PATL1: variants seen among roughly 807,000 people sequenced by gnomAD.
PATL1 encodes PAT1 homolog 1, processing body mRNA decay factor.
PATL1 carries 32 observed loss-of-function variants against 100.6 expected under a neutral mutation model. The ratio of observed to expected loss-of-function variants is 0.32; its 90% CI spans 0.24 to 0.43. PATL1 has a LOEUF of 0.43. PATL1 is among the 20% of genes least tolerant of loss of function. The pLI is 1.00. For missense variants in PATL1, 747 were observed against 949.9 expected, an observed-to-expected ratio of 0.79 and a Z score of 2.81; for synonymous variants, 332 against 330.0, an observed-to-expected ratio of 1.01 and a Z score of -0.07.
chr11:59,640,207 G>A (rs1590692743), intron 16 of PATL1, among the ~76,000 whole-genome samples: 1 of 152,210 alleles, frequency 6.6e-6, no homozygotes, highest in Non-Finnish European at 1.5e-5. Flanking sequence ...CAGGCACGGT[G>A]GCACATGCCT....
intron 2 of PATL1, among the ~76,000 whole-genome samples, chr11:59,660,995 T>C (rs1861617594): frequency 1.3e-5 from 2 of 152,330 alleles, no homozygotes; most frequent in African/African-American, 4.8e-5. Flanking sequence ...AGCTAGACCT[T>C]ACTTCCAACG....
Position 59,655,966 on chromosome 11 carries a change from C to T in PATL1, c.803G>A (p.Gly268Glu). The part of the protein sequence containing the change: ...LSPLQRAQLL[G>E]GAQLQPGRMS... ...TAATCACAGGCTTACCTGTGCTCCT[C>T]CAAGAAGCTGTGCTCTCTGGAGGGG... The change falls in exon 7 of 19, where the codon GGA (glycine) becomes GAA (glutamate). Residue 268 changes from glycine to glutamate, a missense_variant. Coordinates refer to ENST00000300146, the MANE Select transcript of PATL1 (RefSeq NM_152716.3). 1 of 1,593,768 alleles carries T rather than the reference C, an allele frequency of 6.3e-7. No individual in the cohort carries two copies. The highest frequency in any genetic ancestry group is 8.6e-7 in the Non-Finnish European group (1 of 1,169,546).
chr11:59,639,444 T>C, intron 16 of PATL1, 61 bp from the exon 17 acceptor site: 5 of 1,277,876 alleles, frequency 3.9e-6, no homozygotes, highest in Non-Finnish European at 4.4e-6. Flanking sequence ...TCCACCACTG[T>C]TGAAGGGATC....
At chr11:59,668,751 C>A in intron 1 of PATL1, 130 bp downstream of exon 1, 1 of 503,216 alleles carries the variant, frequency 2.0e-6, no homozygotes. Context: ...CCAGTCGCGT[C>A]CAGCTAAGTC....
At chr11:59,667,238 G>T in intron 1 of PATL1, 1 of 332,342 alleles carries the variant, frequency 3.0e-6, no homozygotes, top group Non-Finnish European at 4.3e-6. Flanking sequence ...TCCACGAACA[G>T]CAGTTCCTCA....
chr11:59,649,735 T>G lies in PATL1; in HGVS notation c.1585-125A>C, dbSNP rs1861414974. On this transcript the variant is annotated intron_variant, in intron 13 of 18. Coordinates refer to ENST00000300146, the MANE Select transcript of PATL1 (RefSeq NM_152716.3). ...CATTATAGAAAGACTGAGATTTTTT[T>G]TTTTTTAATGTAGAAAACCATATGA... The G allele has an allele frequency of 2.8e-6, 3 of 1,070,198 alleles. No homozygotes were observed. The South Asian group carries it at 5.7e-5, about 20-fold the overall frequency. 66.3% of individuals were successfully genotyped at this position (1,070,198 alleles called of 1,614,324 possible).
At position 59,652,381 on chromosome 11, in the gene PATL1, C is replaced by T. The variant is rs1861459923; in HGVS notation, c.1426+83G>A. On this transcript the variant is annotated intron_variant, in intron 11 of 18. Coordinates refer to ENST00000300146, the MANE Select transcript of PATL1 (RefSeq NM_152716.3). ...TGAAACATCTTTGCATATCCTTCCA[C>T]ATATACACTTGTCTATATTTAATCA... 12 of 1,488,256 alleles carry T rather than the reference C, an allele frequency of 8.1e-6. 1 individual carries two copies. The South Asian group carries it at 1.5e-4, about 18-fold the overall frequency. The allele number at this position is 1,488,256 out of a possible 1,614,324, so 92.2% of individuals were successfully genotyped here.
At position 59,651,652 on chromosome 11, in the gene PATL1, A is replaced by C. The variant is rs777627583; in HGVS notation, c.1427-11T>G. On this transcript the variant is annotated splice_polypyrimidine_tract_variant and intron_variant, in intron 11 of 18. Coordinates refer to ENST00000300146, the MANE Select transcript of PATL1 (RefSeq NM_152716.3). Reference sequence around the variant, plus strand: ...AGCCCTCAAATTGCACTGCAAAGACAAAAAAAAAAAAAATTCCAACAAAAT... The same window carrying C: ...AGCCCTCAAATTGCACTGCAAAGACCAAAAAAAAAAAAATTCCAACAAAAT... 18 of 387,828 alleles carry C rather than the reference A, an allele frequency of 4.6e-5. No individual in the cohort carries two copies. Among genetic ancestry groups the C allele is most frequent in the African/African-American group, 2.1e-4 (7 of 32,986 alleles). The allele number at this position is 387,828 out of a possible 1,614,324, so 24.0% of individuals were successfully genotyped here.
At chr11:59,660,803 G>C (rs2134758760) in intron 2 of PATL1, among the ~76,000 whole-genome samples, 1 of 152,304 alleles carries the variant, frequency 6.6e-6, no homozygotes, top group Admixed American at 6.5e-5. Context: ...GGCTAGGGAA[G>C]AGGAAGGGGC....
intron 1 of PATL1, among the ~76,000 whole-genome samples, chr11:59,667,539 G>C (rs1448242980): frequency 6.6e-6 from 1 of 152,196 alleles, no homozygotes; most frequent in African/African-American, 2.4e-5. Flanking sequence ...GGTATGACAA[G>C]TTCAAGTTCT....
intron 14 of PATL1, 44 bp downstream of exon 14, chr11:59,649,418 G>A (rs1166479185): frequency 1.9e-6 from 3 of 1,599,920 alleles, no homozygotes; most frequent in African/African-American, 1.3e-5. Flanking sequence ...TATGACAGAG[G>A]AAGGAGTCCA....
chr11:59,667,215 A>G (rs1362159787), intron 1 of PATL1: 5 of 493,888 alleles, frequency 1.0e-5, no homozygotes, highest in Admixed American at 6.4e-5. Flanking sequence ...CCATTTCTCT[A>G]TTTTATCAAG....
intron 15 of PATL1, among the ~76,000 whole-genome samples, chr11:59,643,578 G>T (rs181721279): frequency 3.7e-4 from 57 of 152,104 alleles, no homozygotes; most frequent in Non-Finnish European, 5.9e-4. Context: ...GTAGTCCCCA[G>T]CTACTCAATA....
intron 3 of PATL1, 23 bp from the exon 4 acceptor site, chr11:59,658,969 A>G (rs1232526738): frequency 2.0e-6 from 3 of 1,533,762 alleles, no homozygotes; most frequent in East Asian, 2.5e-5. Flanking sequence ...GAAAACATAC[A>G]GAGTCTGAAA....
At chr11:59,666,797 G>C in intron 2 of PATL1, 56 bp downstream of exon 2, 1 of 1,506,548 alleles carries the variant, frequency 6.6e-7, no homozygotes, top group Non-Finnish European at 8.9e-7. Flanking sequence ...CTAAAAGACA[G>C]CACTTGAAAA....
chr11:59,638,297 C>G lies in PATL1; in HGVS notation c.*93G>C. ...ACAAGACTTTGCTTTGGGGAAAAAG[C>G]TACCTTCCTTCCCTCATTAAAAACA... On this transcript the variant is annotated 3_prime_UTR_variant, in exon 19 of 19. Transcript: ENST00000300146. 7.5e-7 allele frequency: 1 copy of G among 1,333,842 alleles called. No homozygotes were observed. Among genetic ancestry groups the G allele is most frequent in the East Asian group, 2.4e-5 (1 of 42,140 alleles). 82.6% of individuals were successfully genotyped at this position (1,333,842 alleles called of 1,614,324 possible). A position where few individuals can be genotyped will look rare whatever the true frequency, so the allele number is the denominator to read the frequency against.
chr11:59,649,318 G>C, intron 14 of PATL1, 144 bp downstream of exon 14: 1 of 758,760 alleles, frequency 1.3e-6, no homozygotes, highest in East Asian at 2.7e-5. Context: ...TAAATGAAGT[G>C]GCATTTGAGT....
Position 59,650,837 on chromosome 11 carries a change from T to C in PATL1, c.1525-24A>G, listed in dbSNP as rs935844208. ...TCCTAAAAAAGAGAAGACTATTCAA[T>C]GCAAATTCTTTATCTCTGTTAAAAT... On this transcript the variant is annotated intron_variant, in intron 12 of 18. Transcript: ENST00000300146. 8 of 1,485,892 alleles carry C rather than the reference T, an allele frequency of 5.4e-6. No individual in the cohort carries two copies. The African/African-American group carries it at 9.8e-5, about 18-fold the overall frequency. The allele number at this position is 1,485,892 out of a possible 1,614,324, so 92.0% of individuals were successfully genotyped here.
chr11:59,656,595 C>T lies in PATL1; in HGVS notation c.627G>A (p.Leu209=). The change falls in exon 6 of 19, where the codon CTG becomes CTA. Residue 209 remains leucine, a synonymous_variant. Transcript: ENST00000300146. ...MAVPSFTQQI[L]CPKPVHVRPP... is the part of the protein sequence containing the mutation. The stretch of plus-strand genomic sequence containing the variant: ...GCCGAACATGGACAGGCTTCGGACA[C>T]AGAATCTATCAGGACAAACATATAT... 1 of 1,613,032 alleles carries T rather than the reference C, an allele frequency of 6.2e-7. No individual in the cohort carries two copies. Among genetic ancestry groups the T allele is most frequent in the South Asian group, 1.1e-5 (1 of 91,042 alleles).
Sources: allele counts gnomAD v4.1 joint callset (sites outside exome capture counted in the v4.1 genomes callset), GRCh38; gene constraint gnomAD v4.1.1; transcripts MANE v1.5; gene names NCBI Gene and HGNC (gene_info 2026-07-23, HGNC 2026-07-21).